The following PINX1 variants were observed in gnomAD, a reference collection of about 807,000 sequenced individuals.
The protein encoded by PINX1 is PIN2 (TERF1) interacting telomerase inhibitor 1, also known as PIN2/TERF1-interacting telomerase inhibitor 1.
A neutral mutation model predicts 25.4 loss-of-function variants in PINX1; 34 were observed. The ratio of observed to expected loss-of-function variants is 1.34; its 90% confidence interval spans 1.02 to 1.78. The LOEUF (loss-of-function observed/expected upper bound fraction) is 1.78. Ranked by LOEUF, PINX1 falls within the 40% of genes most tolerant of loss-of-function variation. PINX1 has a pLI of 0.00. For synonymous variants in PINX1, 197 were observed against 147.7 expected, an observed-to-expected ratio of 1.33 and a Z score of -2.42; for missense variants, 592 against 404.9, an observed-to-expected ratio of 1.46 and a Z score of -3.97.
intron 3 of PINX1, among the ~76,000 whole-genome samples, chr8:10,832,102 T>C (rs1296385536): frequency 6.6e-6 from 1 of 151,972 alleles, no homozygotes; most frequent in Non-Finnish European, 1.5e-5. Flanking sequence ...ATTCCATAGT[T>C]GAAAGGACAA....
Position 10,834,746 on chromosome 8 carries a change from G to A in PINX1, c.49C>T (p.Pro17Ser), listed in dbSNP as rs767604701. The change falls in exon 2 of 7, where the codon CCT (proline) becomes TCT (serine). Residue 17 changes from proline (P) to serine (S), a missense_variant. Pro to Ser is a moderately conservative substitution (Grantham distance 74). Coordinates refer to ENST00000314787, the MANE Select transcript of PINX1 (RefSeq NM_017884.6). ...TCATTACTCCAGGCAGTGTTCTGAGGATCCACAGCCCACTTCTGCTTCCGC... is the reference window on the plus strand; with the variant it reads ...TCATTACTCCAGGCAGTGTTCTGAGAATCCACAGCCCACTTCTGCTTCCGC... ...RRRKQKWAVD[P>S]QNTAWSNDDS... 2.4e-5 allele frequency: 39 copies of A among 1,613,508 alleles called. No homozygotes were observed. Among genetic ancestry groups the A allele is most frequent in the Middle Eastern group, 1.6e-4 (1 of 6,080 alleles).
At chr8:10,766,802 T>C (rs1801063953) in intron 6 of PINX1, among the ~76,000 whole-genome samples, 1 of 152,248 alleles carries the variant, frequency 6.6e-6, no homozygotes, top group Non-Finnish European at 1.5e-5. Context: ...AAGTACATTT[T>C]GCTGTAAAGC....
At chr8:10,778,984 G>C (rs1801499918) in intron 6 of PINX1, among the ~76,000 whole-genome samples, 1 of 152,152 alleles carries the variant, frequency 6.6e-6, no homozygotes, top group Non-Finnish European at 1.5e-5. Context: ...TGGGAGGAGA[G>C]GTTAGCTCTT....
chr8:10,815,051 C>T (rs1176393703), intron 6 of PINX1, among the ~76,000 whole-genome samples: 4 of 152,112 alleles, frequency 2.6e-5, no homozygotes, highest in Non-Finnish European at 5.9e-5. Context: ...GCAATCCTCC[C>T]ATCTCCAGCC....
chr8:10,821,012 T>G (rs1428188803), intron 5 of PINX1, among the ~76,000 whole-genome samples: 1 of 152,224 alleles, frequency 6.6e-6, no homozygotes. Context: ...CTTTGGAATT[T>G]CCACTTCTAC....
chr8:10,782,306 T>C (rs1801610060), intron 6 of PINX1, among the ~76,000 whole-genome samples: 2 of 152,064 alleles, frequency 1.3e-5, no homozygotes, highest in South Asian at 4.2e-4. Context: ...CAGTGTACTG[T>C]GTCAGGAGGT....
chr8:10,796,604 A>T (rs2129078407), intron 6 of PINX1, among the ~76,000 whole-genome samples: 1 of 152,176 alleles, frequency 6.6e-6, no homozygotes, highest in East Asian at 1.9e-4. Context: ...AAATATGGGA[A>T]GTCCTAGAAA....
intron 5 of PINX1, among the ~76,000 whole-genome samples, chr8:10,824,601 G>C (rs562809310): frequency 2.6e-5 from 4 of 152,202 alleles, no homozygotes; most frequent in Non-Finnish European, 5.9e-5. Flanking sequence ...ACTAGAAATA[G>C]AAAGCAGATG....
At chr8:10,766,006 C>G in intron 6 of PINX1, 90 bp from the exon 7 acceptor site, 2 of 1,293,968 alleles carry the variant, frequency 1.5e-6, no homozygotes, top group Non-Finnish European at 2.1e-6. Context: ...GGCGCTCACA[C>G]CTGGCACCCA....
At chr8:10,839,604 C>T (rs1326231737) in intron 1 of PINX1, 134 bp downstream of exon 1, 5 of 882,568 alleles carry the variant, frequency 5.7e-6, no homozygotes, top group South Asian at 1.5e-5. Flanking sequence ...GAGCCGGGCT[C>T]GGCTCCCCGG....
intron 6 of PINX1, among the ~76,000 whole-genome samples, chr8:10,781,354 C>T (rs1021144338): frequency 6.6e-6 from 1 of 152,120 alleles, no homozygotes. Flanking sequence ...AACAGGACTA[C>T]ATCAAACTAA....
At chr8:10,827,826 G>A (rs1347836752) in intron 4 of PINX1, among the ~76,000 whole-genome samples, 1 of 150,820 alleles carries the variant, frequency 6.6e-6, no homozygotes, top group East Asian at 2.0e-4. Flanking sequence ...CAGGAGAATG[G>A]CGTGAACCTG....
intron 6 of PINX1, among the ~76,000 whole-genome samples, chr8:10,777,389 C>G (rs192760650): frequency 6.6e-6 from 1 of 152,220 alleles, no homozygotes; most frequent in African/African-American, 2.4e-5. Flanking sequence ...CAGTTTATGT[C>G]TCTTGTCCTA....
chr8:10,776,446 TAAACAAACAAAC>T (rs34577114), intron 6 of PINX1, among the ~76,000 whole-genome samples: 32 of 150,542 alleles, frequency 2.1e-4, no homozygotes, highest in African/African-American at 4.9e-4. Flanking sequence ...AATAAATAAA[TAAACAAACAAAC>T]AAACAAACAA....
At chr8:10,770,204 G>A (rs910667051) in intron 6 of PINX1, among the ~76,000 whole-genome samples, 1 of 152,196 alleles carries the variant, frequency 6.6e-6, no homozygotes, top group African/African-American at 2.4e-5. Context: ...CTGCCAATAT[G>A]GAAAGGTGGC....
chr8:10,833,649 T>A (rs1361487629), intron 2 of PINX1: 1 of 43,150 alleles, frequency 2.3e-5, no homozygotes, highest in Non-Finnish European at 4.7e-5. Flanking sequence ...GAATGACGAC[T>A]GGGGTGCGGG....
At chr8:10,824,381 A>C (rs1797971668) in intron 5 of PINX1, among the ~76,000 whole-genome samples, 1 of 152,042 alleles carries the variant, frequency 6.6e-6, no homozygotes, top group South Asian at 2.1e-4. Context: ...TCCCTTTCCT[A>C]CGTAGGCCCA....
At chr8:10,768,124 G>A (rs554864922) in intron 6 of PINX1, among the ~76,000 whole-genome samples, 2 of 149,728 alleles carry the variant, frequency 1.3e-5, no homozygotes, top group African/African-American at 4.9e-5. Flanking sequence ...CACAGAGACA[G>A]GCTCGGTGAC....
chr8:10,780,958 A>G (rs1290677307), intron 6 of PINX1, among the ~76,000 whole-genome samples: 1 of 152,206 alleles, frequency 6.6e-6, no homozygotes, highest in African/African-American at 2.4e-5. Flanking sequence ...AAATTATATT[A>G]CAAGCTATAG....
Sources: allele counts gnomAD v4.1 joint callset (sites outside exome capture counted in the v4.1 genomes callset), GRCh38; gene constraint gnomAD v4.1.1; transcripts MANE v1.5; gene names NCBI Gene and HGNC (gene_info 2026-07-23, HGNC 2026-07-21).